Variants in ZNF423 observed in about 807,000 individuals in gnomAD.
ZNF423 encodes the protein Ebf-associated zinc finger protein.
ZNF423 carries 12 observed loss-of-function variants against 95.8 expected under a neutral mutation model. That is an observed-to-expected ratio of 0.13 (90% CI 0.08 to 0.20). ZNF423 has a LOEUF of 0.20. Among genes scored for constraint, ZNF423 ranks in the 10% least tolerant of loss-of-function variants. The pLI is 1.00. For synonymous variants in ZNF423, 749 were observed against 711.9 expected, an observed-to-expected ratio of 1.05 and a Z score of -0.83; for missense variants, 1,316 against 1,737.1, an observed-to-expected ratio of 0.76 and a Z score of 4.31.
intron 2 of ZNF423, among the ~76,000 whole-genome samples, chr16:49,738,063 C>T (rs72780354): frequency 0.02 from 3,071 of 152,294 alleles, 40 homozygotes; most frequent in Middle Eastern, 0.044. Flanking sequence ...GAGAGACATG[C>T]GACAAACCAG....
At chr16:49,652,131 G>A (rs1479808060) in intron 3 of ZNF423, among the ~76,000 whole-genome samples, 3 of 151,974 alleles carry the variant, frequency 2.0e-5, no homozygotes, top group Non-Finnish European at 2.9e-5. Context: ...AGGGGGTGGG[G>A]GATGAGGCTC....
chr16:49,707,482 T>C (rs2032390629), intron 3 of ZNF423, among the ~76,000 whole-genome samples: 1 of 151,788 alleles, frequency 6.6e-6, no homozygotes, highest in Non-Finnish European at 1.5e-5. Context: ...CCAGGTATGG[T>C]GGCAGGCGCT....
intron 5 of ZNF423, among the ~76,000 whole-genome samples, chr16:49,544,825 G>A (rs1365919465): frequency 2.0e-5 from 3 of 152,246 alleles, no homozygotes; most frequent in Non-Finnish European, 4.4e-5. Context: ...TAACTCCAGG[G>A]GATCGCATCC....
intron 3 of ZNF423, among the ~76,000 whole-genome samples, chr16:49,652,607 A>C (rs778647222): frequency 8.4e-4 from 128 of 152,168 alleles, no homozygotes; most frequent in Admixed American, 1.4e-3. Context: ...TTGTGAAGTC[A>C]TCTCCGTGAG....
chr16:49,792,667 C>T (rs553607919), intron 1 of ZNF423, among the ~76,000 whole-genome samples: 2 of 152,322 alleles, frequency 1.3e-5, no homozygotes, highest in South Asian at 4.1e-4. Flanking sequence ...CCTCCTCTAG[C>T]CCATATTCTG....
chr16:49,762,393 G>A (rs2033848304), intron 2 of ZNF423, among the ~76,000 whole-genome samples: 1 of 152,176 alleles, frequency 6.6e-6, no homozygotes, highest in Admixed American at 6.5e-5. Context: ...TGCCCAGACA[G>A]AATGCCCCAC....
intron 1 of ZNF423, among the ~76,000 whole-genome samples, chr16:49,828,948 C>T (rs2035034295): frequency 6.6e-6 from 1 of 152,236 alleles, no homozygotes; most frequent in Admixed American, 6.5e-5. Flanking sequence ...CCTGGTTCCA[C>T]TCGCCTCCTG....
intron 2 of ZNF423, among the ~76,000 whole-genome samples, chr16:49,788,514 G>A (rs1356760614): frequency 2.0e-5 from 3 of 152,164 alleles, no homozygotes; most frequent in Non-Finnish European, 4.4e-5. Flanking sequence ...ATGCCTAACC[G>A]CGTTTCTGAA....
intron 5 of ZNF423, among the ~76,000 whole-genome samples, chr16:49,611,520 A>G (rs1971721556): frequency 6.6e-6 from 1 of 152,060 alleles, no homozygotes; most frequent in Non-Finnish European, 1.5e-5. Context: ...GGAAATGTAT[A>G]GCAATAAATG....
intron 2 of ZNF423, among the ~76,000 whole-genome samples, chr16:49,761,665 G>T (rs1278809418): frequency 6.6e-6 from 1 of 152,176 alleles, no homozygotes; most frequent in Non-Finnish European, 1.5e-5. Context: ...CACAGAGTGG[G>T]TGCTGAGAAA....
chr16:49,808,250 C>T (rs2034696768), intron 1 of ZNF423, among the ~76,000 whole-genome samples: 1 of 151,926 alleles, frequency 6.6e-6, no homozygotes, highest in Admixed American at 6.6e-5. Flanking sequence ...TTTGTAGAGA[C>T]AGGGTTTTAC....
In ZNF423 at chr16:49,855,115, G is replaced by A. The variant is rs1290502124; in HGVS notation, c.40+620C>T. On this transcript the variant is annotated intron_variant, in intron 1 of 7. Coordinates refer to ENST00000563137, the MANE Select transcript of ZNF423 (RefSeq NM_001379286.1). The surrounding 1 kb of genome is among the most constrained non-coding windows in gnomAD (Gnocchi z 4.7). Reference sequence around the variant, plus strand: ...GGAGGCAGGAAGTGCAGGGGCCCGGGCCGGGAGAAGGCCTGGGCAGGGGCG... The same window carrying A: ...GGAGGCAGGAAGTGCAGGGGCCCGGACCGGGAGAAGGCCTGGGCAGGGGCG... 2.8e-5 allele frequency: 26 copies of A among 913,642 alleles called. No individual in the cohort carries two copies. The African/African-American group carries it at 4.7e-4, about 16-fold the overall frequency. 56.6% of individuals were successfully genotyped at this position (913,642 alleles called of 1,614,324 possible).
intron 5 of ZNF423, among the ~76,000 whole-genome samples, chr16:49,613,558 C>T (rs1971789542): frequency 1.3e-5 from 2 of 152,146 alleles, no homozygotes; most frequent in African/African-American, 4.8e-5. Context: ...GATGTGGTGG[C>T]CTATGCCTGT....
In ZNF423 at chr16:49,734,570, T is replaced by C. The variant is rs1332392780; in HGVS notation, c.101-3599A>G. 2.0e-5 allele frequency among the ~76,000 whole-genome samples: 3 copies of C among 152,114 alleles called. No individual in the cohort carries two copies. The East Asian group carries it at 5.8e-4, about 29-fold the overall frequency. On this transcript the variant is annotated intron_variant, in intron 2 of 7. Coordinates refer to ENST00000563137, the MANE Select transcript of ZNF423 (RefSeq NM_001379286.1). ...GCCGGCTGGCTCCTTTCCCTCTGGC[T>C]CCTCCCCTGTCCTCCTGGGGGCTGT...
intron 7 of ZNF423, among the ~76,000 whole-genome samples, chr16:49,516,277 A>T (rs1028572705): frequency 1.3e-5 from 2 of 152,196 alleles, no homozygotes; most frequent in Non-Finnish European, 2.9e-5. Flanking sequence ...ACAAGGAAGG[A>T]CTTGGAGTCT....
In ZNF423 at chr16:49,778,923, G is replaced by A. The variant is rs947833394; in HGVS notation, c.100+10564C>T. Among the ~76,000 whole-genome samples, 4 of 152,230 alleles carry A rather than the reference G, an allele frequency of 2.6e-5. No individual in the cohort carries two copies. In the East Asian group the frequency reaches 5.8e-4, roughly 22 times the overall value. The stretch of plus-strand genomic sequence containing the variant: ...GCCATCCTCACAATGGCCTTAGGAA[G>A]TAGAATTATTATTCTCCCCATTTCC... On this transcript the variant is annotated intron_variant, in intron 2 of 7. Transcript: ENST00000563137.
intron 5 of ZNF423, among the ~76,000 whole-genome samples, chr16:49,607,015 A>C (rs1971558047): frequency 6.6e-6 from 1 of 151,720 alleles, no homozygotes; most frequent in Non-Finnish European, 1.5e-5. Flanking sequence ...TCTGATCCTG[A>C]TGCTGCAGAA....
chr16:49,627,427 A>C (rs72622236), intron 4 of ZNF423, among the ~76,000 whole-genome samples: 71,356 of 142,660 alleles, frequency 0.5, 19,811 homozygotes, highest in African/African-American at 0.78. Flanking sequence ...TCCATCCTCC[A>C]TCTACCCATC....
chr16:49,719,393 G>A (rs2032800528), intron 3 of ZNF423, among the ~76,000 whole-genome samples: 1 of 152,236 alleles, frequency 6.6e-6, no homozygotes, highest in Non-Finnish European at 1.5e-5. Flanking sequence ...AAAAGACCTT[G>A]TTAGTGCAAT....
Sources: allele counts gnomAD v4.1 joint callset (sites outside exome capture counted in the v4.1 genomes callset), GRCh38; gene constraint gnomAD v4.1.1; non-coding constraint Gnocchi (gnomAD v3.1); transcripts MANE v1.5; gene names NCBI Gene and HGNC (gene_info 2026-07-23, HGNC 2026-07-21).